Variants in ROCK2 observed in about 807,000 individuals in gnomAD.
The protein encoded by ROCK2 is Rho associated coiled-coil containing protein kinase 2.
Under a neutral mutation model 195.1 loss-of-function variants are expected in ROCK2, and 61 were observed. That is an observed-to-expected ratio of 0.31 (90% CI 0.25 to 0.39). The LOEUF (loss-of-function observed/expected upper bound fraction) is 0.39. Ranked by LOEUF, ROCK2 falls within the 10% of genes least tolerant of loss-of-function variation. The pLI is 1.00. For synonymous variants in ROCK2, 504 were observed against 545.5 expected (o/e 0.92, Z 1.06); for missense variants, 1,109 against 1,637.4 (o/e 0.68, Z 5.57).
chr2:11,215,334 T>C lies in ROCK2; in HGVS notation c.1676A>G (p.Gln559Arg). 6.3e-7 allele frequency: 1 copy of C among 1,599,704 alleles called. No homozygotes were observed. Residue 559 changes from glutamine (Q) to arginine (R), a missense_variant, in exon 15 of 33, where the codon CAA becomes CGA. Around this residue, in one of 6 missense-constraint regions of ROCK2, gnomAD observed 542 missense variants for 672.0 expected, o/e 0.81. Coordinates refer to ENST00000315872, the MANE Select transcript of ROCK2 (RefSeq NM_004850.5). ...NSQISTEKVNQLQRQLDETNA... is the reference protein window; with the variant it reads ...NSQISTEKVNRLQRQLDETNA... ...AGATCCACCTACTTGTCTCTGGAGT[T>C]GATTCACTTTCTCAGTGGATATTTG...
chr2:11,263,671 AC>A (rs201727901), intron 3 of ROCK2, among the ~76,000 whole-genome samples: 5,833 of 147,678 alleles, frequency 0.039, 204 homozygotes, highest in Non-Finnish European at 0.058. Flanking sequence ...ACACACACAC[AC>A]AAAAAAAAAC....
At chr2:11,307,341 G>A (rs1667888962) in intron 1 of ROCK2, among the ~76,000 whole-genome samples, 2 of 152,310 alleles carry the variant, frequency 1.3e-5, no homozygotes, top group South Asian at 4.1e-4. Context: ...CTGAGACGGA[G>A]TCTCACTCTG....
intron 1 of ROCK2, among the ~76,000 whole-genome samples, chr2:11,313,262 T>G (rs1480766690): frequency 3.9e-5 from 6 of 152,058 alleles, no homozygotes; most frequent in Admixed American, 1.3e-4. Context: ...CTGCTTAATT[T>G]TCTGTAAACC....
chr2:11,199,272 A>G (rs1663761423), intron 23 of ROCK2, among the ~76,000 whole-genome samples: 2 of 151,628 alleles, frequency 1.3e-5, no homozygotes, highest in Non-Finnish European at 2.9e-5. Flanking sequence ...TTATATACAC[A>G]TGAAACAATA....
chr2:11,220,933 G>A (rs1480658916), intron 9 of ROCK2, among the ~76,000 whole-genome samples: 2 of 151,966 alleles, frequency 1.3e-5, no homozygotes, highest in East Asian at 1.9e-4. Flanking sequence ...TATCCTTCAC[G>A]AGATGACAAG....
chr2:11,208,357 T>G lies in ROCK2; in HGVS notation c.2294A>C (p.Asp765Ala). The change falls in exon 19 of 33, where the codon GAC (aspartate) becomes GCC (alanine). Residue 765 changes from aspartate (D) to alanine (A), a missense_variant. By Grantham distance (126) the Asp-to-Ala change is moderately radical (BLOSUM62 -2). Coordinates refer to ENST00000315872, the MANE Select transcript of ROCK2 (RefSeq NM_004850.5). The part of the protein sequence containing the change: ...LEAEKRCSLL[D>A]CDLKQSQQKI... Reference sequence around the variant, plus strand: ...CTGCTGTGACTGTTTGAGGTCACAGTCTAATAGAGAACATCTTTTCTCAGC... The same window carrying G: ...CTGCTGTGACTGTTTGAGGTCACAGGCTAATAGAGAACATCTTTTCTCAGC... The G allele has an allele frequency of 2.6e-6, 4 of 1,551,076 alleles. No individual in the cohort carries two copies. The highest frequency in any genetic ancestry group is 3.5e-6 in the Non-Finnish European group (4 of 1,140,702).
chr2:11,197,162 C>A lies in ROCK2; in HGVS notation c.3448+18G>T. 6.4e-7 allele frequency: 1 copy of A among 1,567,758 alleles called. No homozygotes were observed. The highest frequency in any genetic ancestry group is 1.2e-5 in the South Asian group (1 of 84,190). On this transcript the variant is annotated intron_variant, in intron 27 of 32. Coordinates refer to ENST00000315872, the MANE Select transcript of ROCK2 (RefSeq NM_004850.5). The surrounding 1 kb of genome is among the most constrained non-coding windows in gnomAD (Gnocchi z 4.9). ...TTTATATTTAAGATAAATATTAGTG[C>A]TGAAAACAAATCCATACCTGGAAAC...
chr2:11,324,558 A>G (rs1423800906), intron 1 of ROCK2, among the ~76,000 whole-genome samples: 4 of 152,282 alleles, frequency 2.6e-5, no homozygotes, highest in African/African-American at 9.6e-5. Context: ...GAGTGGGTAC[A>G]GTATGGTACA....
Position 11,194,337 on chromosome 2 carries a change from A to G in ROCK2, c.3527T>C (p.Ile1176Thr). The change falls in exon 29 of 33, where the codon ATT becomes ACT. Residue 1176 changes from isoleucine to threonine, a missense_variant. By Grantham distance (89) the Ile-to-Thr change is moderately conservative (BLOSUM62 -1). Transcript: ENST00000315872. ...GAAAAGAATCTTCTTACTGCTTACA[A>G]TCACATACTGTTAAAACAGGGAGAA... is the stretch of plus-strand genomic sequence containing the variant. ...KKFGWVKKYVIVSSKKILFYD... is the reference protein window; with the variant it reads ...KKFGWVKKYVTVSSKKILFYD... The G allele has an allele frequency of 7.1e-7, 1 of 1,400,708 alleles. No individual in the cohort carries two copies. Among genetic ancestry groups the G allele is most frequent in the East Asian group, 2.5e-5 (1 of 40,708 alleles). 86.8% of individuals were successfully genotyped at this position (1,400,708 alleles called of 1,614,324 possible). A position where few individuals can be genotyped will look rare whatever the true frequency, so the allele number is the denominator to read the frequency against.
chr2:11,233,903 G>A (rs971108238), intron 5 of ROCK2: 2 of 152,076 alleles, frequency 1.3e-5, no homozygotes, highest in Non-Finnish European at 2.9e-5. Flanking sequence ...TGAGGCCTTC[G>A]TGTTGACTAC....
chr2:11,286,576 T>G lies in ROCK2; in HGVS notation c.287A>C (p.Lys96Thr). 6.2e-7 allele frequency: 1 copy of G among 1,612,524 alleles called. No individual in the cohort carries two copies. The highest frequency in any genetic ancestry group is 8.5e-7 in the Non-Finnish European group (1 of 1,178,880). Residue 96 changes from lysine to threonine, a missense_variant, in exon 3 of 33, where the codon AAA (lysine) becomes ACA (threonine). Physicochemically the swap from Lys to Thr is moderately conservative, Grantham distance 78. This residue lies in a region of ROCK2 where 253 missense variants were observed against 455.5 expected (regional missense o/e 0.56). Transcript: ENST00000315872. The part of the protein sequence containing the change: ...QMKAEDYDVV[K>T]VIGRGAFGEV... Reference sequence around the variant, plus strand: ...ACCAAAAGCACCTCTTCCAATAACTTTTACAACATCATAGTCTTCTGCCTT... The same window carrying G: ...ACCAAAAGCACCTCTTCCAATAACTGTTACAACATCATAGTCTTCTGCCTT...
intron 1 of ROCK2, among the ~76,000 whole-genome samples, chr2:11,326,571 TTTTTG>T (rs1370844441): frequency 1.3e-5 from 2 of 152,158 alleles, no homozygotes; most frequent in African/African-American, 2.4e-5. Flanking sequence ...TGAGGTTTCG[TTTTTG>T]TTTTGTTTTT....
intron 3 of ROCK2, among the ~76,000 whole-genome samples, chr2:11,263,704 G>C (rs976969540): frequency 3.9e-4 from 57 of 147,040 alleles, no homozygotes; most frequent in African/African-American, 1.4e-3. Flanking sequence ...TCTGAAATGA[G>C]CAGCCTGACT....
chr2:11,182,836 A>G lies in ROCK2; in HGVS notation c.*601T>C, dbSNP rs1663056112. ...CACAGGAATGAGTGATATAAACTCC[A>G]ACATTATGGCTTTATACAAGTGCAT... On this transcript the variant is annotated 3_prime_UTR_variant, in exon 33 of 33. Coordinates refer to ENST00000315872, the MANE Select transcript of ROCK2 (RefSeq NM_004850.5). 1 of 152,636 alleles carries G rather than the reference A, an allele frequency of 6.6e-6. No individual in the cohort carries two copies. The highest frequency in any genetic ancestry group is 2.1e-4 in the South Asian group (1 of 4,826). 9.5% of individuals were successfully genotyped at this position (152,636 alleles called of 1,614,324 possible).
chr2:11,249,047 C>T (rs1374791346), intron 4 of ROCK2, among the ~76,000 whole-genome samples: 2 of 152,002 alleles, frequency 1.3e-5, no homozygotes, highest in Non-Finnish European at 2.9e-5. Context: ...AGGTGTGTGC[C>T]ACTATGCCCG....
At chr2:11,200,286 T>C (rs1663805441) in intron 23 of ROCK2, among the ~76,000 whole-genome samples, 1 of 152,240 alleles carries the variant, frequency 6.6e-6, no homozygotes, top group Non-Finnish European at 1.5e-5. Flanking sequence ...TAGATTCTGT[T>C]CTGATAGCTT....
At chr2:11,200,853 T>A in intron 23 of ROCK2, 104 bp downstream of exon 23, 2 of 956,066 alleles carry the variant, frequency 2.1e-6, no homozygotes, top group Non-Finnish European at 3.0e-6. Flanking sequence ...GTAGTCAGCA[T>A]ATATAATTTT....
chr2:11,307,918 C>A (rs555784380), intron 1 of ROCK2: 12 of 1,340,886 alleles, frequency 8.9e-6, no homozygotes, highest in Non-Finnish European at 1.2e-5. Flanking sequence ...GTGGCCGTAG[C>A]GGTCCTCCTG....
chr2:11,292,425 C>A (rs1412122776), intron 1 of ROCK2, among the ~76,000 whole-genome samples: 1 of 152,036 alleles, frequency 6.6e-6, no homozygotes, highest in Non-Finnish European at 1.5e-5. Flanking sequence ...GAAACTGAAG[C>A]TTAAAGGTTA....
Sources: gnomAD v4.1 joint callset for allele counts (sites outside exome capture counted in the v4.1 genomes callset) on GRCh38, gnomAD v4.1.1 for gene constraint, gnomAD v4.1.1 regional missense constraint, Gnocchi (gnomAD v3.1) non-coding constraint, MANE v1.5 for transcripts, NCBI Gene and HGNC (gene_info 2026-07-23, HGNC 2026-07-21) for gene names.